The following SCAPER variants were observed in gnomAD, a reference collection of about 807,000 sequenced individuals.
The protein encoded by SCAPER is S phase cyclin A-associated protein in the endoplasmic reticulum.
In SCAPER, 98 loss-of-function variants were observed where a neutral mutation model predicts 182.2. The ratio of observed to expected loss-of-function variants is 0.54; its 90% confidence interval spans 0.46 to 0.64. SCAPER has a LOEUF of 0.64. Among genes scored for constraint, SCAPER ranks in the 30% least tolerant of loss-of-function variants. The pLI, the probability that SCAPER is intolerant of heterozygous loss-of-function variation, is 0.00. For missense variants in SCAPER, 1,432 were observed against 1,690.0 expected, an observed-to-expected ratio of 0.85 and a Z score of 2.68; for synonymous variants, 605 against 564.6, an observed-to-expected ratio of 1.07 and a Z score of -1.01.
chr15:76,683,348 AAATAAAGAAAAAAG>A (rs1474556981), intron 20 of SCAPER, among the ~76,000 whole-genome samples: 1 of 152,204 alleles, frequency 6.6e-6, no homozygotes, highest in Non-Finnish European at 1.5e-5. Context: ...CAGTCAAACA[AAATAAAGAAAAAAG>A]AATAAAGAAA....
In SCAPER at chr15:76,858,820, C is replaced by A. The variant is rs200613438; in HGVS notation, c.125-941G>T. On this transcript the variant is annotated intron_variant, in intron 3 of 31. Coordinates refer to ENST00000563290, the MANE Select transcript of SCAPER (RefSeq NM_020843.4). Reference sequence around the variant, plus strand: ...CATGATTTCATTCTTTTTATGGCTACGTAGTAGTCCATGGTGTATATATGT... The same window carrying A: ...CATGATTTCATTCTTTTTATGGCTAAGTAGTAGTCCATGGTGTATATATGT... Among the ~76,000 whole-genome samples, 922 of 132,390 alleles carry A rather than the reference C, an allele frequency of 7.0e-3. 7 individuals carry two copies. Among genetic ancestry groups the A allele is most frequent in the African/African-American group, 0.023 (841 of 35,818 alleles). 86.9% of individuals were successfully genotyped at this position (132,390 alleles called of 152,430 possible).
chr15:76,699,536 T>G (rs1304107847), intron 20 of SCAPER, among the ~76,000 whole-genome samples: 2 of 152,194 alleles, frequency 1.3e-5, no homozygotes, highest in African/African-American at 4.8e-5. Flanking sequence ...TTTATATTCT[T>G]TGATGCCCTT....
At chr15:76,718,869 A>C (rs2060037803) in intron 17 of SCAPER, among the ~76,000 whole-genome samples, 1 of 152,112 alleles carries the variant, frequency 6.6e-6, no homozygotes, top group African/African-American at 2.4e-5. Flanking sequence ...ACTCACACCC[A>C]TTAGATGACT....
At chr15:76,425,985 G>A (rs1046762662) in intron 26 of SCAPER, among the ~76,000 whole-genome samples, 5 of 152,238 alleles carry the variant, frequency 3.3e-5, no homozygotes, top group Admixed American at 3.3e-4. Flanking sequence ...CTTCGTCTCA[G>A]AGAGGTACCC....
chr15:76,709,651 A>G (rs544302922), intron 17 of SCAPER, among the ~76,000 whole-genome samples: 2 of 152,314 alleles, frequency 1.3e-5, no homozygotes, highest in South Asian at 4.1e-4. Flanking sequence ...AAGAAATAAT[A>G]CCTATCTTAT....
intron 5 of SCAPER, among the ~76,000 whole-genome samples, chr15:76,833,458 G>A (rs1006521375): frequency 1.1e-4 from 16 of 152,056 alleles, no homozygotes; most frequent in African/African-American, 3.6e-4. Context: ...CAATCAAGTC[G>A]ACATAAGAAT....
intron 17 of SCAPER, among the ~76,000 whole-genome samples, chr15:76,710,614 T>G (rs1435957194): frequency 6.6e-6 from 1 of 152,092 alleles, no homozygotes; most frequent in Admixed American, 6.5e-5. Flanking sequence ...AAAACCTTGT[T>G]GTCAGAAATT....
chr15:76,664,381 T>C (rs1473671835), intron 21 of SCAPER, among the ~76,000 whole-genome samples: 1 of 152,164 alleles, frequency 6.6e-6, no homozygotes, highest in Admixed American at 6.5e-5. Flanking sequence ...ATGTGAGGTG[T>C]AGGAGAAAGA....
chr15:76,719,018 T>C (rs185842338), intron 17 of SCAPER, among the ~76,000 whole-genome samples: 1,753 of 152,218 alleles, frequency 0.012, 14 homozygotes, highest in South Asian at 0.017. Context: ...AAAATAGAAC[T>C]ACCATAGGAC....
chr15:76,356,641 G>T, intron 29 of SCAPER, among the ~76,000 whole-genome samples: 1 of 152,118 alleles, frequency 6.6e-6, no homozygotes, highest in East Asian at 1.9e-4. Flanking sequence ...TGTCACCTTT[G>T]TCCAGACAAA....
chr15:76,756,013 G>A (rs1454676262), intron 14 of SCAPER, among the ~76,000 whole-genome samples: 1 of 152,060 alleles, frequency 6.6e-6, no homozygotes, highest in Admixed American at 6.5e-5. Context: ...CAGTATTTGG[G>A]AGGCAGATAA....
At chr15:76,519,605 C>T (rs2042689611) in intron 23 of SCAPER, among the ~76,000 whole-genome samples, 1 of 152,208 alleles carries the variant, frequency 6.6e-6, no homozygotes, top group African/African-American at 2.4e-5. Flanking sequence ...GAAGCTATTA[C>T]AATAGTGGCT....
intron 22 of SCAPER, among the ~76,000 whole-genome samples, chr15:76,586,346 T>G (rs1183756179): frequency 6.6e-6 from 1 of 152,200 alleles, no homozygotes; most frequent in Non-Finnish European, 1.5e-5. Context: ...GGTCTAAATT[T>G]AGAGCTATTT....
chr15:76,431,633 T>C (rs943676156), intron 26 of SCAPER, among the ~76,000 whole-genome samples: 2 of 128,844 alleles, frequency 1.6e-5, no homozygotes, highest in African/African-American at 5.9e-5. Context: ...TTCTTGTCAG[T>C]TCATATCTGG....
intron 23 of SCAPER, among the ~76,000 whole-genome samples, chr15:76,531,803 C>T (rs1391479465): frequency 1.3e-5 from 2 of 152,100 alleles, no homozygotes; most frequent in Non-Finnish European, 2.9e-5. Context: ...AGTTAGTGGT[C>T]TACTGACCAG....
intron 5 of SCAPER, among the ~76,000 whole-genome samples, chr15:76,822,285 C>T (rs1039502358): frequency 1.2e-4 from 18 of 151,966 alleles, no homozygotes; most frequent in African/African-American, 4.4e-4. Context: ...AAAATCTCTA[C>T]CTTCCTCTTA....
At chr15:76,504,745 G>T in intron 24 of SCAPER, 114 bp downstream of exon 24, 1 of 751,342 alleles carries the variant, frequency 1.3e-6, no homozygotes, top group Non-Finnish European at 2.1e-6. Flanking sequence ...GTAAGATTTT[G>T]GTATTCAACC....
At chr15:76,587,531 T>A (rs149186385) in intron 22 of SCAPER, among the ~76,000 whole-genome samples, 1 of 152,246 alleles carries the variant, frequency 6.6e-6, no homozygotes, top group Non-Finnish European at 1.5e-5. Context: ...CTTGATTTCA[T>A]TGTTGACCCA....
chr15:76,684,358 T>C (rs144496671), intron 20 of SCAPER, among the ~76,000 whole-genome samples: 6 of 152,276 alleles, frequency 3.9e-5, no homozygotes, highest in South Asian at 2.1e-4. Flanking sequence ...TGTAAAGGGA[T>C]AGAGAAAAAT....
Sources: allele counts gnomAD v4.1 joint callset (sites outside exome capture counted in the v4.1 genomes callset), GRCh38; gene constraint gnomAD v4.1.1; transcripts MANE v1.5; gene names NCBI Gene and HGNC (gene_info 2026-07-23, HGNC 2026-07-21).